KLHL13: variants seen among roughly 807,000 people sequenced by gnomAD.
KLHL13 encodes the protein kelch like family member 13, also known as kelch-like protein 13.
In KLHL13, 10 loss-of-function variants were observed where a neutral mutation model predicts 37.1. The observed-to-expected ratio is 0.27, with a 90% confidence interval of 0.17 to 0.46. The LOEUF is 0.46. KLHL13 is among the 20% of genes least tolerant of loss of function. The pLI, the probability that KLHL13 is intolerant of heterozygous loss-of-function variation, is 1.00. For missense variants in KLHL13, 360 were observed against 509.3 expected (o/e 0.71, Z 2.82); for synonymous variants, 163 against 181.2 (o/e 0.90, Z 0.81).
At chrX:118,009,767 G>GT (rs2054036944) in intron 1 of KLHL13, among the ~76,000 whole-genome samples, 1 of 76,362 alleles carries the variant, frequency 1.3e-5, no homozygotes, top group African/African-American at 5.1e-5. Flanking sequence ...CTTTAAAGTA[G>GT]TTTTTTCCAA....
At chrX:117,916,618 A>G (rs1931379823) in intron 4 of KLHL13, among the ~76,000 whole-genome samples, 1 of 112,046 alleles carries the variant, frequency 8.9e-6, no homozygotes, top group Middle Eastern at 4.2e-3. Context: ...ACTAATACAT[A>G]CATGTTTTCT....
At chrX:118,081,110 G>T (rs139695376) in intron 1 of KLHL13, among the ~76,000 whole-genome samples, 156 of 111,506 alleles carry the variant, frequency 1.4e-3, no homozygotes, top group African/African-American at 4.5e-3. Context: ...TGGACTACTA[G>T]AGGGGTGAGG....
At chrX:118,020,649 C>G (rs182740584) in intron 1 of KLHL13, among the ~76,000 whole-genome samples, 2 of 110,638 alleles carry the variant, frequency 1.8e-5, no homozygotes, top group Admixed American at 1.9e-4. Context: ...TGGGTATATA[C>G]CCAAAGGATT....
At chrX:118,049,775 T>C (rs1157308151) in intron 1 of KLHL13, among the ~76,000 whole-genome samples, 1 of 111,641 alleles carries the variant, frequency 9.0e-6, no homozygotes, top group Non-Finnish European at 1.9e-5. Flanking sequence ...AACTAGGGGG[T>C]CCAGAGAGGT....
At chrX:117,993,672 TGAGA>T (rs1221517038) in intron 1 of KLHL13, among the ~76,000 whole-genome samples, 1 of 109,982 alleles carries the variant, frequency 9.1e-6, no homozygotes, top group Non-Finnish European at 1.9e-5. Context: ...TCCAAGTTAC[TGAGA>T]GAGAAAAAGG....
At chrX:117,933,428 A>G (rs935466086) in intron 2 of KLHL13, among the ~76,000 whole-genome samples, 6 of 111,613 alleles carry the variant, frequency 5.4e-5, no homozygotes, top group Non-Finnish European at 1.1e-4. Flanking sequence ...CAGTCTATTC[A>G]ATAAATGGTG....
At chrX:117,912,489 C>T (rs1015294026) in intron 4 of KLHL13, among the ~76,000 whole-genome samples, 1 of 111,655 alleles carries the variant, frequency 9.0e-6, no homozygotes, top group Admixed American at 9.5e-5. Context: ...TCAAATTTAT[C>T]CAGTGAGAAA....
intron 1 of KLHL13, among the ~76,000 whole-genome samples, chrX:118,003,751 C>T (rs1485845766): frequency 1.8e-5 from 2 of 110,418 alleles, no homozygotes; most frequent in Non-Finnish European, 3.8e-5. Flanking sequence ...GGTAGTAATC[C>T]TTACCATGGT....
intron 1 of KLHL13, among the ~76,000 whole-genome samples, chrX:118,063,184 C>A (rs1025351588): frequency 9.0e-6 from 1 of 111,218 alleles, no homozygotes. Context: ...TTAATTAAAT[C>A]CATAAACCAT....
intron 1 of KLHL13, among the ~76,000 whole-genome samples, chrX:117,992,188 G>A (rs1415120220): frequency 1.9e-5 from 2 of 105,304 alleles, no homozygotes; most frequent in Non-Finnish European, 3.9e-5. Flanking sequence ...AGCAGCATGG[G>A]GTGCCTTGAG....
chrX:117,999,949 G>C (rs1483637528), intron 1 of KLHL13, among the ~76,000 whole-genome samples: 1 of 111,470 alleles, frequency 9.0e-6, no homozygotes, highest in South Asian at 3.8e-4. Flanking sequence ...GTGTTGTTTT[G>C]ATTCTATTAG....
At chrX:117,972,850 T>C (rs2053547424) in exon 1 of KLHL13, 18 of 1,207,997 alleles carry the variant, frequency 1.5e-5, no homozygotes, top group Non-Finnish European at 1.9e-5. Flanking sequence ...GGTACTACAA[T>C]AACAGTAAAG....
At chrX:117,918,084 T>C (rs1402707029) in intron 4 of KLHL13, among the ~76,000 whole-genome samples, 1 of 111,468 alleles carries the variant, frequency 9.0e-6, no homozygotes, top group East Asian at 2.8e-4. Flanking sequence ...AATTCAGTAA[T>C]GGAGGCAAGC....
At chrX:117,945,255 T>C (rs1933261386) in intron 2 of KLHL13, among the ~76,000 whole-genome samples, 179 bp downstream of exon 3, 1 of 111,944 alleles carries the variant, frequency 8.9e-6, no homozygotes, top group Non-Finnish European at 1.9e-5. Context: ...CTTAATAAAC[T>C]TCATTTTTTA....
chrX:118,033,478 T>C (rs2054388417), intron 1 of KLHL13, among the ~76,000 whole-genome samples: 1 of 110,873 alleles, frequency 9.0e-6, no homozygotes, highest in African/African-American at 3.3e-5. Flanking sequence ...GAATTTCATA[T>C]CCGGCCAAAC....
At chrX:118,086,098 C>T (rs772224902) in intron 1 of KLHL13, among the ~76,000 whole-genome samples, 2 of 110,464 alleles carry the variant, frequency 1.8e-5, no homozygotes, top group Admixed American at 9.7e-5. Flanking sequence ...CCACCACAGC[C>T]GGTTAAATTT....
chrX:117,978,780 C>T (rs1187400425), intron 1 of KLHL13, among the ~76,000 whole-genome samples: 1 of 97,014 alleles, frequency 1.0e-5, no homozygotes, highest in African/African-American at 4.4e-5. Flanking sequence ...TATCTATACT[C>T]TTTATGGCTT....
chrX:118,047,138 A>G (rs1227216078), intron 1 of KLHL13, among the ~76,000 whole-genome samples: 1 of 111,335 alleles, frequency 9.0e-6, no homozygotes, highest in African/African-American at 3.3e-5. Flanking sequence ...GGTTGTGTTT[A>G]TTTTTTTTAA....
chrX:118,092,474 A>G (rs1276491020), intron 1 of KLHL13, among the ~76,000 whole-genome samples: 2 of 111,502 alleles, frequency 1.8e-5, no homozygotes, highest in African/African-American at 6.5e-5. Flanking sequence ...CTTCAGGAAT[A>G]AAGGGGAGAT....
Sources: allele counts gnomAD v4.1 joint callset (sites outside exome capture counted in the v4.1 genomes callset), GRCh38; gene constraint gnomAD v4.1.1; transcripts MANE v1.5; gene names NCBI Gene and HGNC (gene_info 2026-07-23, HGNC 2026-07-21).